OR1B1: variants seen among roughly 807,000 people sequenced by gnomAD.
OR1B1 encodes the protein olfactory receptor family 1 subfamily B member 1, also known as olfactory receptor 1B1.
For missense variants in OR1B1, 414 were observed against 402.1 expected, an observed-to-expected ratio of 1.03 and a Z score of -0.25; for synonymous variants, 168 against 156.2, an observed-to-expected ratio of 1.08 and a Z score of -0.57.
At chr9:122,629,723 A>G, upstream of OR1B1, 1 of 509,446 alleles carries the variant, frequency 2.0e-6, no homozygotes, top group Non-Finnish European at 3.4e-6. Context: ...ATATGTATTT[A>G]TTTTCTCCTT....
chr9:122,648,523 A>T, the OR1B1 span, among the ~76,000 whole-genome samples: 1 of 152,028 alleles, frequency 6.6e-6, no homozygotes, highest in African/African-American at 2.4e-5. Context: ...CTTTCTCACC[A>T]CTCCTATTCA....
At chr9:122,628,949 GAAC>G in exon 1 of OR1B1, 1 of 1,614,120 alleles carries the variant, frequency 6.2e-7, no homozygotes, top group Non-Finnish European at 8.5e-7. Flanking sequence ...ATGTATGTCA[GAAC>G]AAGAGGCTCG....
chr9:122,640,595 G>A, the OR1B1 span, among the ~76,000 whole-genome samples: 4,840 of 152,184 alleles, frequency 0.032, 255 homozygotes, highest in African/African-American at 0.11. Context: ...TGAATCAATC[G>A]TATTGGAGAT....
chr9:122,636,648 AAC>A, the OR1B1 span, among the ~76,000 whole-genome samples: 2 of 152,146 alleles, frequency 1.3e-5, no homozygotes, highest in Non-Finnish European at 2.9e-5. Flanking sequence ...TAAACAAACA[AAC>A]ACACACATGT....
At chr9:122,650,077 G>A in the OR1B1 span, among the ~76,000 whole-genome samples, 1 of 152,154 alleles carries the variant, frequency 6.6e-6, no homozygotes, top group East Asian at 1.9e-4. Flanking sequence ...ATAAAAAAAA[G>A]GATGAGTTCA....
the OR1B1 span, among the ~76,000 whole-genome samples, chr9:122,651,378 A>G: frequency 6.1e-4 from 93 of 152,342 alleles, no homozygotes; most frequent in African/African-American, 1.7e-3. Flanking sequence ...ACTGTTAACT[A>G]CAATCATCCT....
At chr9:122,641,116 C>A in the OR1B1 span, among the ~76,000 whole-genome samples, 1 of 152,116 alleles carries the variant, frequency 6.6e-6, no homozygotes, top group African/African-American at 2.4e-5. Context: ...CAGTAGGTAA[C>A]AAAATCATAA....
the OR1B1 span, among the ~76,000 whole-genome samples, chr9:122,645,614 G>T: frequency 3.3e-5 from 5 of 152,254 alleles, no homozygotes; most frequent in South Asian, 8.3e-4. Flanking sequence ...TACAGGCCAG[G>T]AGAGAGTGGC....
chr9:122,638,530 C>T, the OR1B1 span, among the ~76,000 whole-genome samples: 3 of 152,100 alleles, frequency 2.0e-5, no homozygotes, highest in Non-Finnish European at 4.4e-5. Context: ...CATTCAGCAC[C>T]AGGATACTCA....
exon 1 of OR1B1, chr9:122,629,470 A>G: frequency 6.2e-7 from 1 of 1,605,296 alleles, no homozygotes; most frequent in Middle Eastern, 1.7e-4. Flanking sequence ...AGGAGATGTT[A>G]GCTCTCGAGA....
the OR1B1 span, among the ~76,000 whole-genome samples, chr9:122,643,086 C>T: frequency 1.3e-5 from 2 of 149,848 alleles, no homozygotes; most frequent in African/African-American, 5.0e-5. Context: ...TCCTCCCCCA[C>T]CACTCTCACT....
At chr9:122,654,449 C>T in the OR1B1 span, among the ~76,000 whole-genome samples, 4 of 152,204 alleles carry the variant, frequency 2.6e-5, no homozygotes, top group African/African-American at 9.6e-5. Context: ...TCTTTCTGCT[C>T]TAACCAGATG....
At chr9:122,642,338 A>T in the OR1B1 span, among the ~76,000 whole-genome samples, 2 of 152,160 alleles carry the variant, frequency 1.3e-5, no homozygotes, top group Non-Finnish European at 2.9e-5. Context: ...CCACCCACAC[A>T]TTCACCTGGC....
At chr9:122,629,742 C>T (rs1419372818), upstream of OR1B1, among the ~76,000 whole-genome samples, 2 of 152,190 alleles carry the variant, frequency 1.3e-5, no homozygotes, top group African/African-American at 4.8e-5. Context: ...TTTATTTCTT[C>T]CTTTTCACCC....
At chr9:122,652,828 A>G in the OR1B1 span, among the ~76,000 whole-genome samples, 1 of 152,198 alleles carries the variant, frequency 6.6e-6, no homozygotes, top group Admixed American at 6.5e-5. Context: ...GGGGATTGGA[A>G]GGATATAGGG....
At chr9:122,642,834 C>G in the OR1B1 span, among the ~76,000 whole-genome samples, 1 of 152,094 alleles carries the variant, frequency 6.6e-6, no homozygotes, top group Non-Finnish European at 1.5e-5. Context: ...TAGGCTATAA[C>G]ACTTATACAT....
the OR1B1 span, among the ~76,000 whole-genome samples, chr9:122,643,843 A>G: frequency 0.18 from 27,674 of 152,110 alleles, 3,377 homozygotes; most frequent in East Asian, 0.44. Flanking sequence ...TAGCTCTGGG[A>G]TGACATATCC....
upstream of OR1B1, among the ~76,000 whole-genome samples, chr9:122,631,335 C>T (rs1830201508): frequency 6.6e-6 from 1 of 151,964 alleles, no homozygotes; most frequent in Non-Finnish European, 1.5e-5. Context: ...CGCCACCATG[C>T]CAGGCTAATT....
At chr9:122,632,186 A>T (rs150674349), upstream of OR1B1, among the ~76,000 whole-genome samples, 2 of 152,306 alleles carry the variant, frequency 1.3e-5, no homozygotes, top group African/African-American at 4.8e-5. Flanking sequence ...AAATAATGTG[A>T]TAACCTCCTC....
Sources: gnomAD v4.1 joint callset for allele counts (sites outside exome capture counted in the v4.1 genomes callset) on GRCh38, gnomAD v4.1.1 for gene constraint, MANE v1.5 for transcripts, NCBI Gene and HGNC (gene_info 2026-07-23, HGNC 2026-07-21) for gene names.